SHROOM2: variants seen among roughly 807,000 people sequenced by gnomAD.
SHROOM2 encodes the protein protein Shroom2.
In SHROOM2, 33 loss-of-function variants were observed where a neutral mutation model predicts 75.9. The ratio of observed to expected loss-of-function variants is 0.43; its 90% CI spans 0.33 to 0.58. The LOEUF is 0.58. Ranked by LOEUF, SHROOM2 falls within the 20% of genes least tolerant of loss-of-function variation. SHROOM2 has a pLI of 0.04. For missense variants in SHROOM2, 1,434 were observed against 1,461.2 expected, an observed-to-expected ratio of 0.98 and a Z score of 0.30; for synonymous variants, 655 against 663.6, an observed-to-expected ratio of 0.99 and a Z score of 0.20.
intron 6 of SHROOM2, among the ~76,000 whole-genome samples, chrX:9,935,658 C>G (rs1469040960): frequency 1.8e-5 from 2 of 111,559 alleles, no homozygotes; most frequent in Non-Finnish European, 3.8e-5. Context: ...TCATCTCAGC[C>G]TGAGCACCAC....
chrX:9,931,811 T>A (rs1388747534), intron 5 of SHROOM2, among the ~76,000 whole-genome samples: 1 of 111,821 alleles, frequency 8.9e-6, no homozygotes, highest in African/African-American at 3.3e-5. Context: ...TATTTCTGAA[T>A]CTAGCTGTAT....
At chrX:9,827,560 G>A (rs1427993010) in intron 1 of SHROOM2, among the ~76,000 whole-genome samples, 8 of 109,958 alleles carry the variant, frequency 7.3e-5, no homozygotes, top group South Asian at 4.0e-4. Context: ...GAGGGAGCAC[G>A]TCAACCTTTG....
At chrX:9,873,938 G>A in intron 2 of SHROOM2, 135 bp downstream of exon 2, 4 of 594,038 alleles carry the variant, frequency 6.7e-6, no homozygotes, top group East Asian at 3.7e-5. Flanking sequence ...TATATGTCTC[G>A]GCCAAGCATG....
chrX:9,790,261 G>A (rs1000956054), intron 1 of SHROOM2, among the ~76,000 whole-genome samples: 3 of 111,750 alleles, frequency 2.7e-5, no homozygotes, highest in African/African-American at 6.5e-5. Flanking sequence ...TCTGCATTAT[G>A]GGCCATGCCA....
intron 1 of SHROOM2, among the ~76,000 whole-genome samples, chrX:9,862,422 G>A (rs2084109686): frequency 9.1e-6 from 1 of 109,922 alleles, no homozygotes; most frequent in Non-Finnish European, 1.9e-5. Context: ...GCCACCGCTG[G>A]CTGGAGAGTA....
Position 9,947,126 on chromosome X carries a change from T to A in SHROOM2, c.*189T>A. The A allele has an allele frequency of 2.1e-6, 1 of 471,716 alleles. No homozygotes were observed. The highest frequency in any genetic ancestry group is 3.5e-6 in the Non-Finnish European group (1 of 283,611). The allele number at this position is 471,716 out of a possible 1,213,427, so 38.9% of individuals were successfully genotyped here. A position where few individuals can be genotyped will look rare whatever the true frequency, so the allele number is the denominator to read the frequency against. The stretch of plus-strand genomic sequence containing the variant: ...ATTTATTTAATTTTTTAGTTTCCCC[T>A]TTGATTGCTGAGAGCCATTTTCCTT... On this transcript the variant is annotated 3_prime_UTR_variant, in exon 10 of 10. Coordinates refer to ENST00000380913, the MANE Select transcript of SHROOM2 (RefSeq NM_001649.4).
intron 1 of SHROOM2, among the ~76,000 whole-genome samples, chrX:9,833,857 T>C (rs2083929629): frequency 9.0e-6 from 1 of 111,173 alleles, no homozygotes; most frequent in East Asian, 2.8e-4. Flanking sequence ...TCCGACGGCC[T>C]CCTTCCTGCT....
chrX:9,937,026 A>G lies in SHROOM2; in HGVS notation c.3588-108A>G, dbSNP rs1419486843. On this transcript the variant is annotated intron_variant, in intron 6 of 9. Transcript: ENST00000380913. ...GCTCCTTCGAGTTGGGTGGCTGGCT[A>G]GTGCCTTTGAGTCAGGTTCCCATCC... 27 of 798,973 alleles carry G rather than the reference A, an allele frequency of 3.4e-5. No individual in the cohort carries two copies. In the East Asian group the frequency reaches 6.0e-4, roughly 18 times the overall value. 65.8% of individuals were successfully genotyped at this position (798,973 alleles called of 1,213,427 possible). A position where few individuals can be genotyped will look rare whatever the true frequency, so the allele number is the denominator to read the frequency against.
intron 1 of SHROOM2, among the ~76,000 whole-genome samples, chrX:9,812,665 GTATAA>G (rs1211640673): frequency 8.9e-6 from 1 of 112,225 alleles, no homozygotes; most frequent in African/African-American, 3.2e-5. Flanking sequence ...GATCCAATTG[GTATAA>G]TATCATCAAT....
At chrX:9,848,646 T>A (rs142925367) in intron 1 of SHROOM2, among the ~76,000 whole-genome samples, 1 of 110,799 alleles carries the variant, frequency 9.0e-6, no homozygotes, top group Admixed American at 9.7e-5. Context: ...ATGTGCTGAT[T>A]TATGCTCTGC....
chrX:9,823,091 CCTCCTTCTCCCTTCTCCTT>C (rs2083866110), intron 1 of SHROOM2, among the ~76,000 whole-genome samples: 4 of 19,837 alleles, frequency 2.0e-4, no homozygotes, highest in African/African-American at 6.1e-4. Flanking sequence ...CCCTTCTCCT[CCTCCTTCTCCCTTCTCCTT>C]CTCCTTCTCC....
At chrX:9,931,803 T>C (rs1173692256) in intron 5 of SHROOM2, among the ~76,000 whole-genome samples, 1 of 111,968 alleles carries the variant, frequency 8.9e-6, no homozygotes, top group Non-Finnish European at 1.9e-5. Flanking sequence ...GAAGTAAATA[T>C]TTCTGAATCT....
At chrX:9,792,711 A>G (rs749064201) in intron 1 of SHROOM2, among the ~76,000 whole-genome samples, 66 of 109,137 alleles carry the variant, frequency 6.0e-4, no homozygotes, top group African/African-American at 2.1e-3. Flanking sequence ...GGGAAGGGGC[A>G]AGCATGATAG....
At chrX:9,885,378 C>T (rs759758066) in intron 2 of SHROOM2, among the ~76,000 whole-genome samples, 56 of 109,445 alleles carry the variant, frequency 5.1e-4, no homozygotes, top group Admixed American at 1.9e-4. Context: ...CCCAACTCCA[C>T]GGGTCTGTGA....
intron 7 of SHROOM2, 139 bp from the exon 8 acceptor site, chrX:9,939,056 C>G: frequency 2.2e-6 from 1 of 450,618 alleles, no homozygotes; most frequent in Non-Finnish European, 3.7e-6. Flanking sequence ...CTTACTTTTC[C>G]CCCTTTGGCT....
intron 8 of SHROOM2, among the ~76,000 whole-genome samples, chrX:9,941,130 T>C (rs1443289855): frequency 7.2e-5 from 8 of 111,819 alleles, no homozygotes; most frequent in Non-Finnish European, 1.1e-4. Context: ...TTGAGAATTA[T>C]GGCTTTTCCC....
chrX:9,932,244 G>A lies in SHROOM2; in HGVS notation c.2961G>A (p.Pro987=), dbSNP rs1000316659. ...AGCACCCACCGAGTCAGAAGGCACC[G>A]AACCCACCCACATTCTCTGAACTAT... ...SQQHPPSQKA[P]NPPTFSELSH... Residue 987 remains proline (P), a synonymous_variant, in exon 6 of 10, where the codon CCG becomes CCA. Coordinates refer to ENST00000380913, the MANE Select transcript of SHROOM2 (RefSeq NM_001649.4). 3.1e-5 allele frequency: 37 copies of A among 1,175,471 alleles called. No individual in the cohort carries two copies. Among genetic ancestry groups the A allele is most frequent in the African/African-American group, 9.0e-5 (5 of 55,557 alleles).
chrX:9,876,394 A>G (rs746845125), intron 2 of SHROOM2, among the ~76,000 whole-genome samples: 3 of 111,964 alleles, frequency 2.7e-5, no homozygotes, highest in Non-Finnish European at 3.8e-5. Flanking sequence ...AAAAGCACCA[A>G]TGGGTGCTTT....
chrX:9,807,997 G>C (rs1266741173), intron 1 of SHROOM2, among the ~76,000 whole-genome samples: 1 of 111,946 alleles, frequency 8.9e-6, no homozygotes, highest in East Asian at 2.8e-4. Context: ...GCAGCCCCGA[G>C]CTTTTGGCCT....
Sources: gnomAD v4.1 joint callset for allele counts (sites outside exome capture counted in the v4.1 genomes callset) on GRCh38, gnomAD v4.1.1 for gene constraint, MANE v1.5 for transcripts, NCBI Gene and HGNC (gene_info 2026-07-23, HGNC 2026-07-21) for gene names.